Variants in PTPRM observed in about 807,000 individuals in gnomAD.
PTPRM encodes protein tyrosine phosphatase receptor type M, also known as receptor-type tyrosine-protein phosphatase mu.
In PTPRM, 47 loss-of-function variants were observed where a neutral mutation model predicts 186.7. The ratio of observed to expected loss-of-function variants is 0.25; its 90% CI spans 0.20 to 0.32. The LOEUF (loss-of-function observed/expected upper bound fraction) is 0.32. Ranked by LOEUF, PTPRM falls within the 10% of genes least tolerant of loss-of-function variation. The pLI, the probability that PTPRM is intolerant of heterozygous loss-of-function variation, is 1.00. For synonymous variants in PTPRM, 668 were observed against 674.9 expected (o/e 0.99, Z 0.16); for missense variants, 1,494 against 1,865.0 (o/e 0.80, Z 3.66).
chr18:8,059,263 G>A (rs375682886), intron 7 of PTPRM, among the ~76,000 whole-genome samples: 3 of 102,990 alleles, frequency 2.9e-5, no homozygotes, highest in Admixed American at 1.0e-4. Flanking sequence ...TTTGTCTGTT[G>A]TTGGTGTATA....
intron 11 of PTPRM, among the ~76,000 whole-genome samples, chr18:8,102,962 C>T (rs1022471878): frequency 3.3e-5 from 5 of 152,300 alleles, no homozygotes; most frequent in Middle Eastern, 3.4e-3. Context: ...ATCCCATGTA[C>T]GTCTCCATCA....
At chr18:8,029,823 T>A (rs898050312) in intron 7 of PTPRM, among the ~76,000 whole-genome samples, 2 of 152,208 alleles carry the variant, frequency 1.3e-5, no homozygotes, top group African/African-American at 4.8e-5. Flanking sequence ...TTCCTCCTGA[T>A]GTCTTCCCAA....
intron 13 of PTPRM, among the ~76,000 whole-genome samples, chr18:8,118,509 A>T (rs1273092063): frequency 1.3e-5 from 2 of 152,128 alleles, no homozygotes; most frequent in African/African-American, 4.8e-5. Flanking sequence ...TTAAATCATT[A>T]TGAGATTTGG....
intron 14 of PTPRM, among the ~76,000 whole-genome samples, chr18:8,206,380 G>A (rs972713516): frequency 5.3e-5 from 8 of 152,032 alleles, no homozygotes; most frequent in Middle Eastern, 3.4e-3. Context: ...TCAGCCTCCC[G>A]AGTAGCTACA....
intron 7 of PTPRM, among the ~76,000 whole-genome samples, chr18:7,960,995 T>A (rs73381887): frequency 0.019 from 2,872 of 152,250 alleles, 104 homozygotes; most frequent in African/African-American, 0.066. Flanking sequence ...CAGAACCTGT[T>A]TCTCGTGTGT....
chr18:8,382,647 G>T (rs552633571), intron 29 of PTPRM, among the ~76,000 whole-genome samples: 1 of 152,072 alleles, frequency 6.6e-6, no homozygotes, highest in Non-Finnish European at 1.5e-5. Flanking sequence ...AACATAAAAG[G>T]CACCCTTGGT....
intron 9 of PTPRM, among the ~76,000 whole-genome samples, chr18:8,084,558 A>T (rs1278224827): frequency 6.6e-6 from 1 of 152,184 alleles, no homozygotes; most frequent in Non-Finnish European, 1.5e-5. Flanking sequence ...TCTTTCAGAG[A>T]GGTCTTCCTA....
chr18:8,080,833 G>T lies in PTPRM; in HGVS notation c.1551+4269G>T, dbSNP rs549549917. On this transcript the variant is annotated intron_variant, in intron 9 of 32. Transcript: ENST00000580170. ...GCCATGTATATGAAATTGTCTCTTC[G>T]CCAAGAGCCTTCTGAGCCATCACAC... 4.6e-5 allele frequency among the ~76,000 whole-genome samples: 7 copies of T among 152,022 alleles called. No homozygotes were observed. In the South Asian group the frequency reaches 8.3e-4, roughly 18 times the overall value.
chr18:8,226,883 G>A (rs951291430), intron 14 of PTPRM, among the ~76,000 whole-genome samples: 6 of 152,092 alleles, frequency 3.9e-5, no homozygotes, highest in East Asian at 1.9e-4. Flanking sequence ...GAGACTACCC[G>A]CATTCCTTGG....
intron 2 of PTPRM, among the ~76,000 whole-genome samples, chr18:7,831,672 T>G (rs1454410673): frequency 6.6e-6 from 1 of 152,210 alleles, no homozygotes; most frequent in Admixed American, 6.5e-5. Flanking sequence ...TACTATTGAC[T>G]GTAGTCACAC....
intron 10 of PTPRM, among the ~76,000 whole-genome samples, chr18:8,088,255 C>T (rs1200950923): frequency 6.7e-6 from 1 of 149,904 alleles, no homozygotes; most frequent in Non-Finnish European, 1.5e-5. Flanking sequence ...TCCAACAAAT[C>T]TCTCTGACTC....
rs558533070 is a variant in PTPRM, at chr18:8,025,660, C to T, written c.1133-44026C>T. Among the ~76,000 whole-genome samples, 13 of 152,194 alleles carry T rather than the reference C, an allele frequency of 8.5e-5. 1 individual carries two copies. The South Asian group carries it at 1.7e-3, about 19-fold the overall frequency. On this transcript the variant is annotated intron_variant, in intron 7 of 32. Coordinates refer to ENST00000580170, the MANE Select transcript of PTPRM (RefSeq NM_001105244.2). ...AAATGAATTATTTCAACAGCTGGTA[C>T]GATATTAGCGAGAGAACTTTGTTTA...
At chr18:7,779,645 C>T (rs1568119839) in intron 2 of PTPRM, among the ~76,000 whole-genome samples, 2 of 152,162 alleles carry the variant, frequency 1.3e-5, no homozygotes, top group Non-Finnish European at 2.9e-5. Context: ...AGGACTTATT[C>T]AGGTCTTAGA....
At chr18:7,967,144 G>C (rs2054171937) in intron 7 of PTPRM, among the ~76,000 whole-genome samples, 1 of 44,994 alleles carries the variant, frequency 2.2e-5, no homozygotes, top group Non-Finnish European at 5.8e-5. Context: ...GTGGGTCCCT[G>C]ACCCCTGACC....
At chr18:8,379,537 A>G (rs1016134937) in intron 28 of PTPRM, among the ~76,000 whole-genome samples, 197 bp downstream of exon 28, 1 of 152,188 alleles carries the variant, frequency 6.6e-6, no homozygotes, top group Non-Finnish European at 1.5e-5. Flanking sequence ...CTCAAAGACC[A>G]CCAGGCCAGG....
intron 1 of PTPRM, among the ~76,000 whole-genome samples, chr18:7,658,966 C>T (rs923273444): frequency 1.3e-5 from 2 of 152,120 alleles, no homozygotes; most frequent in Non-Finnish European, 2.9e-5. Flanking sequence ...GGGCCTTTGC[C>T]CTTTCTGTGC....
chr18:7,894,014 A>AAAAC (rs376034875), intron 3 of PTPRM, among the ~76,000 whole-genome samples: 3 of 152,286 alleles, frequency 2.0e-5, no homozygotes, highest in East Asian at 1.9e-4. Flanking sequence ...GACAAAAAAC[A>AAAAC]AAACAAACAA....
intron 4 of PTPRM, among the ~76,000 whole-genome samples, chr18:7,919,532 T>G (rs1190416292): frequency 6.6e-6 from 1 of 152,142 alleles, no homozygotes; most frequent in African/African-American, 2.4e-5. Flanking sequence ...TGAGGTTCCT[T>G]TTGTTACTGA....
chr18:7,638,052 A>G (rs2038360446), intron 1 of PTPRM, among the ~76,000 whole-genome samples: 1 of 152,196 alleles, frequency 6.6e-6, no homozygotes, highest in African/African-American at 2.4e-5. Flanking sequence ...CAGCTCTTAT[A>G]TGACTTGAGG....
Sources: allele counts gnomAD v4.1 joint callset (sites outside exome capture counted in the v4.1 genomes callset), GRCh38; gene constraint gnomAD v4.1.1; transcripts MANE v1.5; gene names NCBI Gene and HGNC (gene_info 2026-07-23, HGNC 2026-07-21).